The following FHDC1 variants were observed in gnomAD, a reference collection of about 807,000 sequenced individuals.
FHDC1 encodes the protein FH2 domain containing 1, also known as FH2 domain-containing protein 1.
In FHDC1, 25 loss-of-function variants were observed where a neutral mutation model predicts 52.6. The observed-to-expected ratio is 0.48, with a 90% CI of 0.35 to 0.66. The LOEUF (loss-of-function observed/expected upper bound fraction) is 0.66. FHDC1 is among the 30% of genes least tolerant of loss of function. FHDC1 has a pLI of 0.01. For synonymous variants in FHDC1, 616 were observed against 581.5 expected, an observed-to-expected ratio of 1.06 and a Z score of -0.85; for missense variants, 1,459 against 1,452.8, an observed-to-expected ratio of 1.00 and a Z score of -0.07.
chr4:152,938,865 G>A (rs553900515), intron 1 of FHDC1, among the ~76,000 whole-genome samples: 251 of 151,782 alleles, frequency 1.7e-3, no homozygotes, highest in Non-Finnish European at 2.6e-3. Context: ...TGAGCACCAG[G>A]ACCGCTGGTG....
At position 152,975,168 on chromosome 4, in the gene FHDC1, A is replaced by T. The variant is rs374680498; in HGVS notation, c.1877A>T (p.Gln626Leu). ...SAQAHQLAAA[Q>L]PENHASAFPR... Reference sequence around the variant, plus strand: ...CAGGCGCACCAGCTTGCAGCCGCCCAGCCTGAGAACCATGCCTCTGCCTTC... The same window carrying T: ...CAGGCGCACCAGCTTGCAGCCGCCCTGCCTGAGAACCATGCCTCTGCCTTC... The change falls in exon 12 of 12, where the codon CAG becomes CTG. Residue 626 changes from glutamine to leucine, a missense_variant. By Grantham distance (113) the Gln-to-Leu change is moderately radical. This residue lies in a region of FHDC1 where 939 missense variants were observed against 854.5 expected (regional missense o/e 1.10). Coordinates refer to ENST00000511601, the MANE Select transcript of FHDC1 (RefSeq NM_001371116.1). 1.4e-5 allele frequency: 22 copies of T among 1,613,198 alleles called. No homozygotes were observed. In the African/African-American group the frequency reaches 2.7e-4, roughly 20 times the overall value.
the FHDC1 span, chr4:152,912,375 A>G: frequency 6.6e-6 from 1 of 152,174 alleles, no homozygotes; most frequent in African/African-American, 2.4e-5. Context: ...GAAGTTGGAT[A>G]TTTTAGTTTT....
At chr4:152,930,635 A>C in the FHDC1 span, among the ~76,000 whole-genome samples, 7 of 152,342 alleles carry the variant, frequency 4.6e-5, no homozygotes, top group Non-Finnish European at 7.3e-5. Flanking sequence ...CTTGAATAAT[A>C]GTATTTCCGA....
At chr4:152,972,337 C>G in intron 10 of FHDC1, 40 bp from the exon 11 acceptor site, 1 of 1,551,680 alleles carries the variant, frequency 6.4e-7, no homozygotes, top group Non-Finnish European at 8.7e-7. Context: ...CCTCAGCTGA[C>G]AACGTTTACC....
the FHDC1 span, among the ~76,000 whole-genome samples, chr4:152,922,510 G>A: frequency 4.3e-3 from 649 of 151,258 alleles, 4 homozygotes; most frequent in African/African-American, 0.015. Context: ...CATTTTATGA[G>A]GCCAGCATCA....
the FHDC1 span, among the ~76,000 whole-genome samples, chr4:152,920,191 C>T: frequency 6.6e-6 from 1 of 151,906 alleles, no homozygotes; most frequent in Non-Finnish European, 1.5e-5. Flanking sequence ...AGGTGATCCA[C>T]CCCCATTGGC....
the FHDC1 span, among the ~76,000 whole-genome samples, chr4:152,915,738 A>G: frequency 2.0e-5 from 3 of 152,208 alleles, no homozygotes; most frequent in Non-Finnish European, 4.4e-5. Context: ...GGGATGGCCA[A>G]TGGATGCTAA....
chr4:152,927,289 C>A, the FHDC1 span, among the ~76,000 whole-genome samples: 1 of 152,222 alleles, frequency 6.6e-6, no homozygotes. Context: ...AAGCTGGTAC[C>A]AAGCACCAAT....
chr4:152,938,645 C>G (rs1041286692), intron 1 of FHDC1, among the ~76,000 whole-genome samples: 2 of 152,214 alleles, frequency 1.3e-5, no homozygotes, highest in African/African-American at 4.8e-5. Flanking sequence ...TCGGCTTGTT[C>G]TACCCTGGTT....
chr4:152,920,120 TG>T, the FHDC1 span, among the ~76,000 whole-genome samples: 3 of 152,002 alleles, frequency 2.0e-5, no homozygotes, highest in Non-Finnish European at 2.9e-5. Context: ...GCCAATTTTT[TG>T]TATTTTAGTA....
At chr4:152,936,624 C>G (rs973408541) in intron 1 of FHDC1, among the ~76,000 whole-genome samples, 1 of 152,230 alleles carries the variant, frequency 6.6e-6, no homozygotes, top group Non-Finnish European at 1.5e-5. Context: ...ACATCCACCC[C>G]GGTGACTTTG....
At chr4:152,966,421 T>C (rs544374303) in intron 9 of FHDC1, among the ~76,000 whole-genome samples, 1 of 152,344 alleles carries the variant, frequency 6.6e-6, no homozygotes, top group South Asian at 2.1e-4. Context: ...TTTCGCCTAC[T>C]CAGTTTTCTG....
chr4:152,960,627 G>A lies in FHDC1; in HGVS notation c.726G>A (p.Leu242=). ...AGCTGTCTCTGGCAGATTCCTTTCT[G>A]TATGGCTTAATTCAGGTGCCAAAGT... ...VSKLSLADSF[L]YGLIQVPNYS... The change falls in exon 5 of 12, where the codon CTG becomes CTA. Residue 242 remains leucine, a synonymous_variant. Coordinates refer to ENST00000511601, the MANE Select transcript of FHDC1 (RefSeq NM_001371116.1). 6.2e-7 allele frequency: 1 copy of A among 1,614,072 alleles called. No homozygotes were observed. The highest frequency in any genetic ancestry group is 8.5e-7 in the Non-Finnish European group (1 of 1,180,010).
intron 3 of FHDC1, among the ~76,000 whole-genome samples, chr4:152,954,003 G>A (rs1286932479): frequency 3.3e-5 from 5 of 152,234 alleles, no homozygotes; most frequent in Admixed American, 2.6e-4. Flanking sequence ...GGATGCCCAA[G>A]GATGGTGCTC....
intron 2 of FHDC1, among the ~76,000 whole-genome samples, chr4:152,947,216 C>CAA (rs781228959): frequency 1.0e-4 from 7 of 69,914 alleles, no homozygotes; most frequent in African/African-American, 2.1e-4. Flanking sequence ...AAGACTGTCT[C>CAA]AAAAAAAAAA....
At chr4:152,912,843 T>TA in the FHDC1 span, among the ~76,000 whole-genome samples, 1 of 152,172 alleles carries the variant, frequency 6.6e-6, no homozygotes, top group Non-Finnish European at 1.5e-5. Context: ...TTCCAAATCT[T>TA]AGGGTCCAGG....
intron 11 of FHDC1, 134 bp from the exon 12 acceptor site, chr4:152,974,541 T>C: frequency 7.5e-7 from 1 of 1,325,698 alleles, no homozygotes; most frequent in Non-Finnish European, 9.9e-7. Context: ...CACAGCCTCT[T>C]TCTCAGTGTA....
At chr4:152,925,355 A>G in the FHDC1 span, among the ~76,000 whole-genome samples, 5 of 151,992 alleles carry the variant, frequency 3.3e-5, no homozygotes, top group African/African-American at 9.7e-5. Flanking sequence ...TTTTCCTTCT[A>G]TTTTAGACTT....
Position 152,954,261 on chromosome 4 carries a change from A to G in FHDC1, c.605A>G (p.Glu202Gly), listed in dbSNP as rs1740012741. Reference protein sequence around the residue: ...IVEDIHQGKSEHYGSETLREF... With the variant: ...IVEDIHQGKSGHYGSETLREF... ...GAAGATATTCATCAAGGAAAAAGTGAGCATTATGGATCAGAGACCTTGCGA... is the reference window on the plus strand; with the variant it reads ...GAAGATATTCATCAAGGAAAAAGTGGGCATTATGGATCAGAGACCTTGCGA... The change falls in exon 4 of 12, where the codon GAG (glutamate) becomes GGG (glycine). Residue 202 changes from glutamate (E) to glycine (G), a missense_variant. Transcript: ENST00000511601. 2.5e-6 allele frequency: 4 copies of G among 1,614,198 alleles called. No individual in the cohort carries two copies. The highest frequency in any genetic ancestry group is 2.5e-6 in the Non-Finnish European group (3 of 1,180,024).
Sources: allele counts gnomAD v4.1 joint callset (sites outside exome capture counted in the v4.1 genomes callset), GRCh38; gene constraint gnomAD v4.1.1; regional missense constraint gnomAD v4.1.1; transcripts MANE v1.5; gene names NCBI Gene and HGNC (gene_info 2026-07-23, HGNC 2026-07-21).